Variants in UBXN2B observed in about 807,000 individuals in gnomAD.
UBXN2B encodes UBX domain protein 2B.
Under a neutral mutation model 37.5 loss-of-function variants are expected in UBXN2B, and 19 were observed. That is an observed-to-expected ratio of 0.51 (90% CI 0.35 to 0.74). The LOEUF (loss-of-function observed/expected upper bound fraction) is 0.74, where lower values mean the gene tolerates loss of function less well. UBXN2B is among the 30% of genes least tolerant of loss of function. The pLI, the probability that UBXN2B is intolerant of heterozygous loss-of-function variation, is 0.01. For missense variants in UBXN2B, 370 were observed against 393.2 expected, an observed-to-expected ratio of 0.94 and a Z score of 0.50; for synonymous variants, 145 against 143.8, an observed-to-expected ratio of 1.01 and a Z score of -0.06.
At chr8:58,417,108 A>C (rs1196693262) in intron 2 of UBXN2B, among the ~76,000 whole-genome samples, 155 bp downstream of exon 2, 1 of 152,220 alleles carries the variant, frequency 6.6e-6, no homozygotes, top group East Asian at 1.9e-4. Context: ...TAAAAAATAG[A>C]AATGATTAAT....
At chr8:58,422,248 G>A (rs1180770798) in intron 2 of UBXN2B, among the ~76,000 whole-genome samples, 1 of 151,956 alleles carries the variant, frequency 6.6e-6, no homozygotes, top group Non-Finnish European at 1.5e-5. Context: ...ATATTGGGGG[G>A]CAGGGATAGG....
At chr8:58,429,850 G>GA (rs1363639248) in intron 2 of UBXN2B, among the ~76,000 whole-genome samples, 1 of 152,024 alleles carries the variant, frequency 6.6e-6, no homozygotes, top group Non-Finnish European at 1.5e-5. Context: ...ATTCTTGATA[G>GA]AAAAAAATCT....
chr8:58,445,980 C>G lies in UBXN2B; in HGVS notation c.745C>G (p.Leu249Val). The G allele has an allele frequency of 6.2e-7, 1 of 1,613,210 alleles. No individual in the cohort carries two copies. Among genetic ancestry groups the G allele is most frequent in the Middle Eastern group, 1.7e-4 (1 of 6,038 alleles). ...EDKSILNAVV[L>V]IDDSVPTTKI... is the part of the protein sequence containing the mutation. ...TAAATCAATACTTAATGCAGTTGTTCTTATTGATGATTCAGTGCCAACAAC... is the reference window on the plus strand; with the variant it reads ...TAAATCAATACTTAATGCAGTTGTTGTTATTGATGATTCAGTGCCAACAAC... The change falls in exon 7 of 8, where the codon CTT becomes GTT. Residue 249 changes from leucine (L) to valine (V), a missense_variant. Around this residue, in one of 3 missense-constraint regions of UBXN2B, gnomAD observed 90 missense variants for 139.4 expected, o/e 0.65. Coordinates refer to ENST00000399598, the MANE Select transcript of UBXN2B (RefSeq NM_001077619.2).
chr8:58,417,964 G>T (rs1028600560), intron 2 of UBXN2B, among the ~76,000 whole-genome samples: 1 of 152,174 alleles, frequency 6.6e-6, no homozygotes, highest in Non-Finnish European at 1.5e-5. Context: ...TTCAGGCGGG[G>T]AGTGGTGGCT....
rs1190757816 is a variant in UBXN2B, at chr8:58,437,244, G to A, written c.534-2389G>A. Among the ~76,000 whole-genome samples, 4 of 150,236 alleles carry A rather than the reference G, an allele frequency of 2.7e-5. No homozygotes were observed. In the East Asian group the frequency reaches 7.8e-4, roughly 29 times the overall value. ...CCCTAGCAAAGGACTTGTCTGCGTTGTGTCCATACCCTAAGGCTTTGTGGA... is the reference window on the plus strand; with the variant it reads ...CCCTAGCAAAGGACTTGTCTGCGTTATGTCCATACCCTAAGGCTTTGTGGA... On this transcript the variant is annotated intron_variant, in intron 5 of 7. Coordinates refer to ENST00000399598, the MANE Select transcript of UBXN2B (RefSeq NM_001077619.2).
At position 58,427,367 on chromosome 8, in the gene UBXN2B, G is replaced by A. The variant is rs528461574; in HGVS notation, c.189-3152G>A. Among the ~76,000 whole-genome samples the A allele has an allele frequency of 3.1e-3, 468 of 152,328 alleles. 7 individuals are homozygous for A. Among genetic ancestry groups the A allele is most frequent in the Non-Finnish European group, 6.0e-4 (41 of 68,038 alleles). ...AGTCCCAACTGCTCGGGAGGCTGAAGTGGCAGGATAGCTTGAGTCCAAGAG... is the reference window on the plus strand; with the variant it reads ...AGTCCCAACTGCTCGGGAGGCTGAAATGGCAGGATAGCTTGAGTCCAAGAG... On this transcript the variant is annotated intron_variant, in intron 2 of 7. Coordinates refer to ENST00000399598, the MANE Select transcript of UBXN2B (RefSeq NM_001077619.2).
intron 1 of UBXN2B, among the ~76,000 whole-genome samples, chr8:58,416,078 A>T (rs546783290): frequency 1.3e-5 from 2 of 151,574 alleles, no homozygotes; most frequent in Non-Finnish European, 3.0e-5. Flanking sequence ...AAAAAAAAAA[A>T]CCGGAGATTA....
At chr8:58,426,422 A>C (rs1808091591) in intron 2 of UBXN2B, 2 of 592,654 alleles carry the variant, frequency 3.4e-6, no homozygotes, top group Middle Eastern at 3.7e-4. Flanking sequence ...GTTAGCCAGG[A>C]TGGTCTCAAT....
chr8:58,421,016 A>G (rs1222361219), intron 2 of UBXN2B, among the ~76,000 whole-genome samples: 2 of 152,266 alleles, frequency 1.3e-5, no homozygotes, highest in Non-Finnish European at 2.9e-5. Context: ...AGTTATGTCT[A>G]CAGTCTAAGT....
At chr8:58,444,214 A>G (rs955472363) in intron 6 of UBXN2B, among the ~76,000 whole-genome samples, 1 of 152,240 alleles carries the variant, frequency 6.6e-6, no homozygotes, top group African/African-American at 2.4e-5. Flanking sequence ...TCACTTACCA[A>G]TAGGAATATT....
chr8:58,422,827 C>T (rs1293725205), intron 2 of UBXN2B, among the ~76,000 whole-genome samples: 1 of 152,188 alleles, frequency 6.6e-6, no homozygotes, highest in Non-Finnish European at 1.5e-5. Context: ...TTCTTGAAGA[C>T]CCTCTCTTTA....
At chr8:58,418,586 T>C (rs1807845364) in intron 2 of UBXN2B, among the ~76,000 whole-genome samples, 1 of 152,220 alleles carries the variant, frequency 6.6e-6, no homozygotes, top group African/African-American at 2.4e-5. Flanking sequence ...ATAAGTGATA[T>C]TGTCTGCTAT....
At chr8:58,423,424 G>GTT (rs1426129098) in intron 2 of UBXN2B, among the ~76,000 whole-genome samples, 1 of 147,530 alleles carries the variant, frequency 6.8e-6, no homozygotes, top group African/African-American at 2.5e-5. Flanking sequence ...TTGGGGGTGG[G>GTT]TTTTTTTTTT....
chr8:58,428,812 C>T (rs947773322), intron 2 of UBXN2B, among the ~76,000 whole-genome samples: 2 of 152,108 alleles, frequency 1.3e-5, no homozygotes, highest in African/African-American at 4.8e-5. Context: ...GACCAAAATA[C>T]GAGAACTCAA....
At chr8:58,421,172 G>C (rs758112865) in intron 2 of UBXN2B, among the ~76,000 whole-genome samples, 5 of 151,936 alleles carry the variant, frequency 3.3e-5, no homozygotes, top group Non-Finnish European at 5.9e-5. Flanking sequence ...CCATTTTCTT[G>C]ACTGTTTCCC....
At chr8:58,418,594 T>C (rs569469677) in intron 2 of UBXN2B, among the ~76,000 whole-genome samples, 2 of 152,350 alleles carry the variant, frequency 1.3e-5, no homozygotes, top group South Asian at 4.1e-4. Context: ...TATTGTCTGC[T>C]ATTTATTACA....
chr8:58,421,730 G>T (rs1038943084), intron 2 of UBXN2B, among the ~76,000 whole-genome samples: 1 of 152,108 alleles, frequency 6.6e-6, no homozygotes, highest in African/African-American at 2.4e-5. Flanking sequence ...CCCATGTAAA[G>T]TAACCTCATC....
intron 4 of UBXN2B, among the ~76,000 whole-genome samples, chr8:58,433,584 G>A (rs981512891): frequency 1.4e-5 from 2 of 147,142 alleles, no homozygotes; most frequent in African/African-American, 2.5e-5. Context: ...AGGCCAGCCC[G>A]GAAAACATAG....
At chr8:58,429,386 T>G (rs1420101761) in intron 2 of UBXN2B, among the ~76,000 whole-genome samples, 1 of 152,222 alleles carries the variant, frequency 6.6e-6, no homozygotes, top group African/African-American at 2.4e-5. Flanking sequence ...CTTGCTACTC[T>G]GGACCCTTGA....
Sources: gnomAD v4.1 joint callset for allele counts (sites outside exome capture counted in the v4.1 genomes callset) on GRCh38, gnomAD v4.1.1 for gene constraint, gnomAD v4.1.1 regional missense constraint, MANE v1.5 for transcripts, NCBI Gene and HGNC (gene_info 2026-07-23, HGNC 2026-07-21) for gene names.